The following TXNL4A variants were observed in gnomAD, a reference collection of about 807,000 sequenced individuals.
TXNL4A encodes the protein thioredoxin-like protein 4A.
In TXNL4A, 17 loss-of-function variants were observed where a neutral mutation model predicts 14.6. The observed-to-expected ratio is 1.16, with a 90% CI of 0.80 to 1.74. The LOEUF (loss-of-function observed/expected upper bound fraction) is 1.74. TXNL4A is among the 40% of genes most tolerant of loss of function. The pLI is 0.00. For synonymous variants in TXNL4A, 83 were observed against 70.6 expected (o/e 1.18, Z -0.88); for missense variants, 74 against 195.2 (o/e 0.38, Z 3.70).
upstream of TXNL4A, chr18:79,988,565 G>A (rs567685313): frequency 4.4e-4 from 277 of 625,902 alleles, no homozygotes; most frequent in African/African-American, 4.9e-3. Flanking sequence ...AGAACGTCTG[G>A]GCGCGCACGC....
intron 1 of TXNL4A, among the ~76,000 whole-genome samples, chr18:80,028,004 A>G (rs1465042751): frequency 6.6e-6 from 1 of 152,210 alleles, no homozygotes; most frequent in Non-Finnish European, 1.5e-5. Context: ...AACTGATCCC[A>G]TCTTGTGGAC....
chr18:79,989,675 CTGG>C (rs2051611348), upstream of TXNL4A, among the ~76,000 whole-genome samples: 1 of 152,106 alleles, frequency 6.6e-6, no homozygotes, highest in African/African-American at 2.4e-5. Context: ...TCTAGCTATC[CTGG>C]TGGTCCTTTA....
intron 1 of TXNL4A, chr18:79,979,349 GA>G (rs1411310910): frequency 1.3e-5 from 2 of 152,164 alleles, no homozygotes; most frequent in Non-Finnish European, 2.9e-5. Context: ...ATATAGTTTG[GA>G]TATTTGTCCC....
In TXNL4A at chr18:79,977,671, C is replaced by G. The variant is rs759569966; in HGVS notation, c.184G>C (p.Asp62His). 6.2e-7 allele frequency: 1 copy of G among 1,610,462 alleles called. No individual in the cohort carries two copies. The highest frequency in any genetic ancestry group is 2.2e-5 in the East Asian group (1 of 44,808). ...VKNFAVIYLV[D>H]ITEVPDFNKM... ...TTGAAGTCAGGCACTTCTGTAATAT[C>G]CACAAGATAAATAACTGCAAAATTT... The change falls in exon 2 of 3, where the codon GAT becomes CAT. Residue 62 changes from aspartate to histidine, a missense_variant. Physicochemically the swap from Asp to His is moderately conservative, Grantham distance 81. This residue lies in a region of TXNL4A where 55 missense variants were observed against 116.1 expected (regional missense o/e 0.47). Transcript: ENST00000269601.
chr18:80,024,875 C>T (rs540842690), intron 1 of TXNL4A, among the ~76,000 whole-genome samples: 30 of 152,168 alleles, frequency 2.0e-4, no homozygotes, highest in African/African-American at 6.5e-4. Context: ...ATTTTGGGTC[C>T]GACATATGTC....
chr18:80,020,503 A>C (rs959318160), intron 1 of TXNL4A, among the ~76,000 whole-genome samples: 3 of 152,194 alleles, frequency 2.0e-5, no homozygotes, highest in Admixed American at 2.0e-4. Flanking sequence ...TTTAGCCACC[A>C]AGTTAAGCTT....
intron 1 of TXNL4A, chr18:80,030,529 C>T (rs1278411430): frequency 1.3e-5 from 2 of 152,248 alleles, no homozygotes; most frequent in Non-Finnish European, 2.9e-5. Context: ...ACGCCTCTTT[C>T]CAGTGGCTCC....
intron 1 of TXNL4A, among the ~76,000 whole-genome samples, chr18:80,023,137 T>C (rs770339964): frequency 4.6e-5 from 7 of 152,212 alleles, no homozygotes; most frequent in Non-Finnish European, 1.0e-4. Flanking sequence ...TTAAATCCCA[T>C]TGTCATTGAA....
In TXNL4A at chr18:79,974,620, A is replaced by G. The variant is rs574956200; in HGVS notation, c.258-764T>C. Among the ~76,000 whole-genome samples, 4 of 152,266 alleles carry G rather than the reference A, an allele frequency of 2.6e-5. No individual in the cohort carries two copies. In the South Asian group the frequency reaches 8.3e-4, roughly 32 times the overall value. ...CAGCCCTCTAAGTAACTGGGACCAC[A>G]GGCACGAGCCACCACACCCAGATAA... On this transcript the variant is annotated intron_variant, in intron 2 of 2. Transcript: ENST00000269601.
In TXNL4A at chr18:80,019,858, C is replaced by T. The variant is rs1403347239; in HGVS notation, c.-61+13993G>A. On this transcript the variant is annotated intron_variant, in intron 1 of 2. Coordinates refer to the TXNL4A transcript ENST00000585474. ...TACCCTCAGGGTGTGTGTTTTTTTG[C>T]GTAGCGTTAAAAATGCTCCCATACC... Among the ~76,000 whole-genome samples the T allele has an allele frequency of 9.2e-5, 14 of 152,160 alleles. No individual in the cohort carries two copies. In the East Asian group the frequency reaches 1.7e-3, roughly 19 times the overall value.
intron 1 of TXNL4A, among the ~76,000 whole-genome samples, chr18:79,981,699 G>C (rs1459505532): frequency 2.0e-5 from 3 of 152,090 alleles, no homozygotes; most frequent in Non-Finnish European, 2.9e-5. Context: ...AATAATCAGA[G>C]GGCAACTGAG....
chr18:80,013,134 T>TG (rs1055246564), intron 1 of TXNL4A, among the ~76,000 whole-genome samples: 1 of 150,932 alleles, frequency 6.6e-6, no homozygotes, highest in African/African-American at 2.4e-5. Context: ...TTTTTTTTTT[T>TG]TTTTGAGACG....
At position 79,973,458 on chromosome 18, in the gene TXNL4A, A is replaced by T; in HGVS notation, c.*227T>A. On this transcript the variant is annotated 3_prime_UTR_variant, in exon 3 of 3. Transcript: ENST00000269601. ...CCAAGGGTAAGAATTAACTTTGACT[A>T]GGAAAATCAGTAATCTATTCATTAA... The T allele has an allele frequency of 2.1e-6, 1 of 480,132 alleles. No individual in the cohort carries two copies. The highest frequency in any genetic ancestry group is 3.6e-6 in the Non-Finnish European group (1 of 281,232). The allele number at this position is 480,132 out of a possible 1,614,324, so 29.7% of individuals were successfully genotyped here. A position where few individuals can be genotyped will look rare whatever the true frequency, so the allele number is the denominator to read the frequency against.
At chr18:80,000,723 C>T (rs564527587) in intron 1 of TXNL4A, among the ~76,000 whole-genome samples, 11 of 152,178 alleles carry the variant, frequency 7.2e-5, no homozygotes, top group South Asian at 4.1e-4. Context: ...GGCATGATCT[C>T]GGCTCACCAC....
chr18:80,016,046 T>C (rs1310200731), intron 1 of TXNL4A, among the ~76,000 whole-genome samples: 3 of 137,154 alleles, frequency 2.2e-5, no homozygotes, highest in East Asian at 2.2e-4. Flanking sequence ...TTTTTAATGA[T>C]TGCCATTCTA....
At chr18:79,978,366 CA>C (rs2051411629) in intron 1 of TXNL4A, among the ~76,000 whole-genome samples, 1 of 152,128 alleles carries the variant, frequency 6.6e-6, no homozygotes, top group African/African-American at 2.4e-5. Flanking sequence ...ATAGTACCTC[CA>C]ATAATACTGC....
intron 1 of TXNL4A, chr18:79,979,224 C>G (rs1454316513): frequency 5.3e-5 from 8 of 152,228 alleles, no homozygotes; most frequent in Non-Finnish European, 1.2e-4. Context: ...AGGCGTGAGC[C>G]ACAGCGCCGG....
chr18:80,011,877 G>C lies in TXNL4A; in HGVS notation c.-61+21974C>G, dbSNP rs1017550511. Among the ~76,000 whole-genome samples, 1 of 151,920 alleles carries C rather than the reference G, an allele frequency of 6.6e-6. No homozygotes were observed. The highest frequency in any genetic ancestry group is 6.6e-5 in the Admixed American group (1 of 15,252). On this transcript the variant is annotated intron_variant, in intron 1 of 2. Transcript: ENST00000585474. This position sits in a 1 kb window ranked among gnomAD's most constrained non-coding sequence, Gnocchi z 4.1. Reference sequence around the variant, plus strand: ...AAGATCTTAAGTAGTTTAGACACACGCCTTTGCTCGAGGAAATTCACAGAA... The same window carrying C: ...AAGATCTTAAGTAGTTTAGACACACCCCTTTGCTCGAGGAAATTCACAGAA...
chr18:79,988,749 C>G (rs1006800530), upstream of TXNL4A, among the ~76,000 whole-genome samples: 40 of 152,078 alleles, frequency 2.6e-4, no homozygotes, highest in African/African-American at 8.2e-4. Flanking sequence ...GGGTTCCTCC[C>G]CAGCGTCCAG....
Sources: allele counts gnomAD v4.1 joint callset (sites outside exome capture counted in the v4.1 genomes callset), GRCh38; gene constraint gnomAD v4.1.1; regional missense constraint gnomAD v4.1.1; non-coding constraint Gnocchi (gnomAD v3.1); transcripts MANE v1.5; gene names NCBI Gene and HGNC (gene_info 2026-07-23, HGNC 2026-07-21).